The following INSYN2B variants were observed in gnomAD, a reference collection of about 807,000 sequenced individuals.
INSYN2B encodes inhibitory synaptic factor family member 2B, also known as protein INSYN2B.
In INSYN2B, 16 loss-of-function variants were observed where a neutral mutation model predicts 41.2. That is an observed-to-expected ratio of 0.39 (90% CI 0.26 to 0.59). The LOEUF (loss-of-function observed/expected upper bound fraction) is 0.59. Ranked by LOEUF, INSYN2B falls within the 20% of genes least tolerant of loss-of-function variation. The probability of loss-of-function intolerance (pLI) is 0.57; values close to 1 mark genes in which losing one functional copy is unlikely to be tolerated. For synonymous variants in INSYN2B, 245 were observed against 244.4 expected (o/e 1.00, Z -0.02); for missense variants, 608 against 646.4 (o/e 0.94, Z 0.64).
rs1199725339 is a variant in INSYN2B, at chr5:169,861,692, A to G, written c.*2581T>C. ...GAATAAGTGAGTATGCAGTTTTGGT[A>G]TATGTGTGTGTGGTGTTTTAAACAT... On this transcript the variant is annotated 3_prime_UTR_variant, in exon 4 of 4. Coordinates refer to ENST00000377365, the MANE Select transcript of INSYN2B (RefSeq NM_001129891.3). 6.6e-6 allele frequency among the ~76,000 whole-genome samples: 1 copy of G among 152,202 alleles called. No homozygotes were observed. The highest frequency in any genetic ancestry group is 1.5e-5 in the Non-Finnish European group (1 of 68,032).
intron 1 of INSYN2B, among the ~76,000 whole-genome samples, chr5:169,895,443 G>A (rs1394987068): frequency 2.0e-5 from 3 of 151,972 alleles, no homozygotes; most frequent in African/African-American, 7.3e-5. Flanking sequence ...CGGGGACAGG[G>A]GGTGGTCTCA....
chr5:169,874,242 G>A (rs546652825), intron 3 of INSYN2B, among the ~76,000 whole-genome samples: 4 of 151,930 alleles, frequency 2.6e-5, no homozygotes, highest in Admixed American at 6.6e-5. Context: ...GTGAAACCCC[G>A]TCTCTACTAA....
chr5:169,903,252 C>T (rs1213038662), intron 1 of INSYN2B, among the ~76,000 whole-genome samples: 1 of 149,018 alleles, frequency 6.7e-6, no homozygotes, highest in African/African-American at 2.5e-5. Flanking sequence ...ATAGCCAGTG[C>T]ACTCCAGCCT....
At position 169,883,671 on chromosome 5, in the gene INSYN2B, G is replaced by A; in HGVS notation, c.228C>T (p.Pro76=). ...GKTQATRHHL[P]PTYSLSFPRS... ...TGGGGAAGGAGAGCGAGTAGGTGGGGGGAAGATGGTGCCTGGTTGCTTGAG... is the reference window on the plus strand; with the variant it reads ...TGGGGAAGGAGAGCGAGTAGGTGGGAGGAAGATGGTGCCTGGTTGCTTGAG... Residue 76 remains proline, a synonymous_variant, in exon 2 of 4, where the codon CCC becomes CCT. Transcript: ENST00000377365. The A allele has an allele frequency of 1.3e-6, 2 of 1,551,036 alleles. No individual in the cohort carries two copies. The highest frequency in any genetic ancestry group is 1.7e-6 in the Non-Finnish European group (2 of 1,146,592).
Position 169,925,578 on chromosome 5 carries a change from T to TAAAAAAAA in INSYN2B, c.-918-40763_-918-40762insTTTTTTTT, listed in dbSNP as rs1561828965. ...CTGGGCGACAGAGCAAGACTCTGTC[T>TAAAAAAAA]TAAAAAAAAAAAAAAAAAAAAAAAA... is the stretch of plus-strand genomic sequence containing the variant. On this transcript the variant is annotated intron_variant, in intron 1 of 3. Transcript: ENST00000377365. Among the ~76,000 whole-genome samples the TAAAAAAAA allele has an allele frequency of 1.2e-4, 4 of 32,324 alleles. 2 individuals are homozygous for TAAAAAAAA. Among genetic ancestry groups the TAAAAAAAA allele is most frequent in the African/African-American group, 2.6e-4 (2 of 7,838 alleles). 21.2% of individuals were successfully genotyped at this position (32,324 alleles called of 152,430 possible).
chr5:169,894,070 G>A (rs1561802408), intron 1 of INSYN2B, among the ~76,000 whole-genome samples: 1 of 152,132 alleles, frequency 6.6e-6, no homozygotes, highest in African/African-American at 2.4e-5. Context: ...TACTAAAAAC[G>A]ACAGACTCCA....
At chr5:169,893,335 A>C (rs1426903572) in intron 1 of INSYN2B, among the ~76,000 whole-genome samples, 2 of 152,196 alleles carry the variant, frequency 1.3e-5, no homozygotes, top group Non-Finnish European at 1.5e-5. Flanking sequence ...CTGCTGGCCA[A>C]TTCATCCAGC....
chr5:169,865,507 G>C (rs1250781886), intron 3 of INSYN2B, among the ~76,000 whole-genome samples: 1 of 152,192 alleles, frequency 6.6e-6, no homozygotes, highest in Non-Finnish European at 1.5e-5. Context: ...AGACATCCCT[G>C]TGGGCTGAGC....
At chr5:169,958,124 A>G (rs1776940144) in intron 1 of INSYN2B, among the ~76,000 whole-genome samples, 1 of 152,224 alleles carries the variant, frequency 6.6e-6, no homozygotes, top group Non-Finnish European at 1.5e-5. Flanking sequence ...CCACATGCAC[A>G]TAGAAGGACA....
chr5:169,864,484 G>A, intron 3 of INSYN2B, 25 bp from the exon 4 acceptor site: 3 of 1,490,870 alleles, frequency 2.0e-6, no homozygotes, highest in Non-Finnish European at 2.7e-6. Flanking sequence ...GAGGAAGGAA[G>A]GAAAGTGAAT....
chr5:169,954,964 C>T (rs963904918), intron 1 of INSYN2B, among the ~76,000 whole-genome samples: 9 of 152,200 alleles, frequency 5.9e-5, no homozygotes, highest in African/African-American at 1.4e-4. Context: ...AGGAATCAAT[C>T]GCAGACTGTG....
At chr5:169,904,091 CAAAAAAA>C (rs57983281) in intron 1 of INSYN2B, among the ~76,000 whole-genome samples, 33 of 70,398 alleles carry the variant, frequency 4.7e-4, no homozygotes, top group Non-Finnish European at 6.5e-4. Context: ...GACTTCGTCT[CAAAAAAA>C]AAAAAAAAAA....
intron 1 of INSYN2B, among the ~76,000 whole-genome samples, chr5:169,956,552 A>G (rs1407103379): frequency 6.6e-6 from 1 of 152,244 alleles, no homozygotes; most frequent in Non-Finnish European, 1.5e-5. Context: ...GAAAGGTATC[A>G]TCTACCTTTT....
chr5:169,973,044 CATG>C (rs1777583498), intron 1 of INSYN2B, among the ~76,000 whole-genome samples: 1 of 152,180 alleles, frequency 6.6e-6, no homozygotes, highest in Non-Finnish European at 1.5e-5. Flanking sequence ...AAGTTTAATA[CATG>C]ATGTGAGAGA....
chr5:169,894,212 G>T (rs1288891181), intron 1 of INSYN2B, among the ~76,000 whole-genome samples: 2 of 152,186 alleles, frequency 1.3e-5, no homozygotes, highest in Non-Finnish European at 2.9e-5. Context: ...TGAGGGAACT[G>T]GTAGAGAGGT....
rs1386898292 is a variant in INSYN2B at position 169,907,513 on chromosome 5, A to G, written c.-918-22697T>C. 2.0e-5 allele frequency among the ~76,000 whole-genome samples: 3 copies of G among 152,232 alleles called. No individual in the cohort carries two copies. The East Asian group carries it at 5.8e-4, about 29-fold the overall frequency. ...GTCAAAGTAGTTAATGATAATGGTAACCACCACTTAGCGAAGACTAGTTGC... is the reference window on the plus strand; with the variant it reads ...GTCAAAGTAGTTAATGATAATGGTAGCCACCACTTAGCGAAGACTAGTTGC... On this transcript the variant is annotated intron_variant, in intron 1 of 3. Transcript: ENST00000377365.
chr5:169,890,454 A>T (rs1295681269), intron 1 of INSYN2B, among the ~76,000 whole-genome samples: 2 of 152,316 alleles, frequency 1.3e-5, no homozygotes, highest in African/African-American at 4.8e-5. Context: ...TCAAAGGGTT[A>T]ATGCTTGTGG....
At chr5:169,886,430 C>T (rs538357219) in intron 1 of INSYN2B, among the ~76,000 whole-genome samples, 2 of 152,354 alleles carry the variant, frequency 1.3e-5, no homozygotes, top group African/African-American at 4.8e-5. Flanking sequence ...ATCCCAGAGA[C>T]AATTTCCTCA....
intron 1 of INSYN2B, among the ~76,000 whole-genome samples, chr5:169,889,725 A>G (rs1200262261): frequency 6.6e-6 from 1 of 152,256 alleles, no homozygotes; most frequent in Non-Finnish European, 1.5e-5. Context: ...GTGGCAAGAA[A>G]TAAGTCATAG....
Sources: gnomAD v4.1 joint callset for allele counts (sites outside exome capture counted in the v4.1 genomes callset) on GRCh38, gnomAD v4.1.1 for gene constraint, MANE v1.5 for transcripts, NCBI Gene and HGNC (gene_info 2026-07-23, HGNC 2026-07-21) for gene names.